The following ITPKB variants were observed in gnomAD, a reference collection of about 807,000 sequenced individuals.
The protein encoded by ITPKB is IP3 3-kinase B.
Under a neutral mutation model 69.4 loss-of-function variants are expected in ITPKB, and 13 were observed. The ratio of observed to expected loss-of-function variants is 0.19; its 90% CI spans 0.12 to 0.30. The LOEUF (loss-of-function observed/expected upper bound fraction) is 0.30, where lower values mean the gene tolerates loss of function less well. Among genes scored for constraint, ITPKB ranks in the 10% least tolerant of loss-of-function variants. The probability of loss-of-function intolerance (pLI) is 1.00; values close to 1 mark genes in which losing one functional copy is unlikely to be tolerated. For missense variants in ITPKB, 1,240 were observed against 1,250.5 expected (o/e 0.99, Z 0.13); for synonymous variants, 584 against 513.7 (o/e 1.14, Z -1.85).
At position 226,738,690 on chromosome 1, in the gene ITPKB, G is replaced by T; in HGVS notation, c.-206+351C>A. ...AGGAGCCGGCGCTCTAACACCCCAGGGCAGCGCCGCGGAGCGCAGGGCTTC... is the reference window on the plus strand; with the variant it reads ...AGGAGCCGGCGCTCTAACACCCCAGTGCAGCGCCGCGGAGCGCAGGGCTTC... On this transcript the variant is annotated intron_variant, in intron 1 of 7. Transcript: ENST00000429204. The surrounding 1 kb of genome is among the most constrained non-coding windows in gnomAD (Gnocchi z 4.2). 6.6e-6 allele frequency among the ~76,000 whole-genome samples: 1 copy of T among 152,144 alleles called. No individual in the cohort carries two copies. The highest frequency in any genetic ancestry group is 6.5e-5 in the Admixed American group (1 of 15,290).
In ITPKB at chr1:226,642,550, G is replaced by A. The variant is rs1284219868; in HGVS notation, c.2247-425C>T. On this transcript the variant is annotated intron_variant, in intron 4 of 7. Transcript: ENST00000429204. This position sits in a 1 kb window ranked among gnomAD's most constrained non-coding sequence, Gnocchi z 6.4. ...CACTTTCACTCCAAGCCCATCGGCT[G>A]GCCTCACAAAGCCCAAGGAGCTCCT... 3.9e-5 allele frequency among the ~76,000 whole-genome samples: 6 copies of A among 151,970 alleles called. No homozygotes were observed. Among genetic ancestry groups the A allele is most frequent in the African/African-American group, 1.5e-4 (6 of 41,370 alleles).
intron 2 of ITPKB, among the ~76,000 whole-genome samples, chr1:226,652,043 T>A (rs1319447335): frequency 6.6e-6 from 1 of 152,218 alleles, no homozygotes; most frequent in African/African-American, 2.4e-5. Flanking sequence ...AGACCTCTTT[T>A]CTCTCTGCCA....
At chr1:226,722,243 C>T (rs1657266171) in intron 2 of ITPKB, among the ~76,000 whole-genome samples, 1 of 152,246 alleles carries the variant, frequency 6.6e-6, no homozygotes, top group African/African-American at 2.4e-5. Flanking sequence ...CCTTCAAGCA[C>T]AACATGGATC....
Position 226,693,491 on chromosome 1 carries a change from A to C in ITPKB, c.1932+42036T>G, listed in dbSNP as rs182452191. 2.6e-5 allele frequency among the ~76,000 whole-genome samples: 4 copies of C among 152,334 alleles called. No homozygotes were observed. The East Asian group carries it at 7.7e-4, about 29-fold the overall frequency. ...CCCCCTACTGACATGTTTTATTGTAAGCAATCTAATTTATGGTGTGCTCAG... is the reference window on the plus strand; with the variant it reads ...CCCCCTACTGACATGTTTTATTGTACGCAATCTAATTTATGGTGTGCTCAG... On this transcript the variant is annotated intron_variant, in intron 2 of 7. Transcript: ENST00000429204.
chr1:226,704,352 CATT>C (rs1656752343), intron 2 of ITPKB, among the ~76,000 whole-genome samples: 4 of 152,156 alleles, frequency 2.6e-5, no homozygotes, highest in South Asian at 2.1e-4. Flanking sequence ...TCTTTAAAAA[CATT>C]AATATAACCA....
intron 2 of ITPKB, among the ~76,000 whole-genome samples, chr1:226,688,113 GCACTTCTGATAGGGTTCA>G (rs1280682532): frequency 6.6e-6 from 1 of 152,212 alleles, no homozygotes; most frequent in Non-Finnish European, 1.5e-5. Flanking sequence ...AATGGGCTTA[GCACTTCTGATAGGGTTCA>G]CACTTCTGAT....
chr1:226,695,071 A>G (rs912318262), intron 2 of ITPKB, among the ~76,000 whole-genome samples: 11 of 152,162 alleles, frequency 7.2e-5, no homozygotes, highest in African/African-American at 1.9e-4. Context: ...CTCCACCAAA[A>G]ATACAAAAAT....
At chr1:226,708,813 T>G (rs1656874094) in intron 2 of ITPKB, among the ~76,000 whole-genome samples, 1 of 152,254 alleles carries the variant, frequency 6.6e-6, no homozygotes, top group Admixed American at 6.5e-5. Flanking sequence ...GGGTTGCAGT[T>G]TTCTGATACT....
intron 2 of ITPKB, among the ~76,000 whole-genome samples, chr1:226,715,527 T>TA (rs2102640046): frequency 6.6e-6 from 1 of 152,370 alleles, no homozygotes; most frequent in South Asian, 2.1e-4. Context: ...TTAAATTTTA[T>TA]AACAATGATG....
intron 2 of ITPKB, among the ~76,000 whole-genome samples, chr1:226,703,938 A>G (rs2102632553): frequency 6.6e-6 from 1 of 152,226 alleles, no homozygotes; most frequent in Admixed American, 6.5e-5. Flanking sequence ...ACAACTTTTA[A>G]TTAATTTTGT....
At chr1:226,702,433 G>A (rs1656691717) in intron 2 of ITPKB, among the ~76,000 whole-genome samples, 1 of 151,156 alleles carries the variant, frequency 6.6e-6, no homozygotes, top group Admixed American at 6.6e-5. Context: ...TCAACTTGAC[G>A]GCTACCCCTA....
chr1:226,713,959 T>C (rs756712602), intron 2 of ITPKB, among the ~76,000 whole-genome samples: 10 of 152,196 alleles, frequency 6.6e-5, no homozygotes, highest in Non-Finnish European at 1.2e-4. Flanking sequence ...CTTACTCAGA[T>C]AATTGATATT....
At chr1:226,671,240 C>T (rs548397763) in intron 2 of ITPKB, among the ~76,000 whole-genome samples, 398 of 152,254 alleles carry the variant, frequency 2.6e-3, no homozygotes, top group African/African-American at 9.1e-3. Context: ...AGGGTGGAGG[C>T]GCCTTCCCAA....
chr1:226,736,425 C>T lies in ITPKB; in HGVS notation c.1034G>A (p.Arg345Lys), dbSNP rs1265490662. ...DLQPPEALVE[R>K]QGQFLGSETS... ...CTCACTGCCCAGAAACTGCCCCTGC[C>T]TCTCCACCAGGGCCTCTGGGGGCTG... The change falls in exon 2 of 8, where the codon AGG (arginine) becomes AAG (lysine). Residue 345 changes from arginine (R) to lysine (K), a missense_variant. Arg to Lys is a conservative substitution (Grantham distance 26). This residue lies in a region of ITPKB where 992 missense variants were observed against 853.8 expected (regional missense o/e 1.16). Transcript: ENST00000429204. 1.9e-6 allele frequency: 3 copies of T among 1,613,000 alleles called. No homozygotes were observed. Among genetic ancestry groups the T allele is most frequent in the African/African-American group, 1.3e-5 (1 of 74,954 alleles).
chr1:226,648,626 G>C (rs1180599813), intron 3 of ITPKB, 46 bp downstream of exon 3: 3 of 1,222,078 alleles, frequency 2.5e-6, no homozygotes, highest in Non-Finnish European at 3.6e-6. Flanking sequence ...CACCTCCCCA[G>C]AGGGCTGAGC....
At position 226,678,936 on chromosome 1, in the gene ITPKB, C is replaced by T. The variant is rs542364396; in HGVS notation, c.1933-30165G>A. Among the ~76,000 whole-genome samples the T allele has an allele frequency of 1.2e-3, 177 of 152,340 alleles. 2 individuals are homozygous for T. Among genetic ancestry groups the T allele is most frequent in the Non-Finnish European group, 3.8e-4 (26 of 68,038 alleles). On this transcript the variant is annotated intron_variant, in intron 2 of 7. Transcript: ENST00000429204. ...AGAAAGAGGGGCATCTCAGGGAGCACGCCTCTGCGGAGGGCTACTGATGAG... is the reference window on the plus strand; with the variant it reads ...AGAAAGAGGGGCATCTCAGGGAGCATGCCTCTGCGGAGGGCTACTGATGAG...
chr1:226,671,843 G>C (rs1255044755), intron 2 of ITPKB, among the ~76,000 whole-genome samples: 1 of 152,200 alleles, frequency 6.6e-6, no homozygotes, highest in Non-Finnish European at 1.5e-5. Flanking sequence ...AAAGTGGCTG[G>C]AACAGAGTAA....
chr1:226,714,719 G>T (rs991031283), intron 2 of ITPKB, among the ~76,000 whole-genome samples: 2 of 152,186 alleles, frequency 1.3e-5, no homozygotes, highest in Non-Finnish European at 2.9e-5. Flanking sequence ...CACCACCCTA[G>T]GTAGTGTTGG....
At chr1:226,635,546 A>G (rs1361436800) in intron 7 of ITPKB, among the ~76,000 whole-genome samples, 2 of 152,144 alleles carry the variant, frequency 1.3e-5, no homozygotes, top group East Asian at 3.9e-4. Context: ...CACTCTTTCT[A>G]GACCACAACC....
Sources: gnomAD v4.1 joint callset for allele counts (sites outside exome capture counted in the v4.1 genomes callset) on GRCh38, gnomAD v4.1.1 for gene constraint, gnomAD v4.1.1 regional missense constraint, Gnocchi (gnomAD v3.1) non-coding constraint, MANE v1.5 for transcripts, NCBI Gene and HGNC (gene_info 2026-07-23, HGNC 2026-07-21) for gene names.